PDE10A: variants seen among roughly 807,000 people sequenced by gnomAD.
PDE10A encodes cAMP and cAMP-inhibited cGMP 3',5'-cyclic phosphodiesterase 10A.
Under a neutral mutation model 97.7 loss-of-function variants are expected in PDE10A, and 39 were observed. The observed-to-expected ratio is 0.40, with a 90% confidence interval of 0.31 to 0.52. The LOEUF (loss-of-function observed/expected upper bound fraction) is 0.52. Ranked by LOEUF, PDE10A falls within the 20% of genes least tolerant of loss-of-function variation. PDE10A has a pLI of 0.56. For synonymous variants in PDE10A, 371 were observed against 376.8 expected, an observed-to-expected ratio of 0.98 and a Z score of 0.18; for missense variants, 731 against 1,047.8, an observed-to-expected ratio of 0.70 and a Z score of 4.17.
intron 1 of PDE10A, among the ~76,000 whole-genome samples, chr6:165,823,539 AAAT>A (rs1779641569): frequency 8.5e-6 from 1 of 117,268 alleles, no homozygotes; most frequent in Non-Finnish European, 1.8e-5. Context: ...CCTTAATTAT[AAAT>A]ATTATATAGA....
intron 1 of PDE10A, among the ~76,000 whole-genome samples, chr6:165,922,928 C>T (rs548941555): frequency 6.6e-6 from 1 of 152,264 alleles, no homozygotes; most frequent in East Asian, 1.9e-4. Context: ...AAACAAGGAT[C>T]CCAGCTAATC....
chr6:165,939,207 G>C (rs539114024), intron 1 of PDE10A, among the ~76,000 whole-genome samples: 39 of 152,294 alleles, frequency 2.6e-4, no homozygotes, highest in Non-Finnish European at 4.3e-4. Flanking sequence ...AGGTTAACGA[G>C]TATCCCTTTC....
chr6:165,375,177 C>T (rs1234032497), intron 18 of PDE10A, among the ~76,000 whole-genome samples: 1 of 152,122 alleles, frequency 6.6e-6, no homozygotes, highest in Non-Finnish European at 1.5e-5. Context: ...ATGTCTCTCA[C>T]TTTAAATCAA....
chr6:165,978,786 T>G (rs557659370), intron 1 of PDE10A, among the ~76,000 whole-genome samples: 26 of 152,314 alleles, frequency 1.7e-4, no homozygotes, highest in Non-Finnish European at 2.6e-4. Context: ...TTGTTAAGCA[T>G]TCTTAGAATA....
chr6:165,978,819 C>T (rs1417716814), intron 1 of PDE10A, among the ~76,000 whole-genome samples: 3 of 152,026 alleles, frequency 2.0e-5, no homozygotes, highest in Non-Finnish European at 4.4e-5. Context: ...TGGTCATGTA[C>T]AGGAATATCT....
intron 6 of PDE10A, among the ~76,000 whole-genome samples, chr6:165,434,697 C>T (rs1359995992): frequency 6.6e-6 from 1 of 152,182 alleles, no homozygotes; most frequent in Non-Finnish European, 1.5e-5. Flanking sequence ...CCAGGATAGC[C>T]TTACTGGAAG....
At chr6:165,598,808 C>A (rs112893357) in intron 1 of PDE10A, among the ~76,000 whole-genome samples, 1 of 152,068 alleles carries the variant, frequency 6.6e-6, no homozygotes, top group African/African-American at 2.4e-5. Context: ...AAACTAATAG[C>A]CCAGCACTGG....
intron 1 of PDE10A, among the ~76,000 whole-genome samples, chr6:165,804,610 TTGGAAACCTGGGGCCC>T (rs1779066922): frequency 3.3e-5 from 5 of 152,222 alleles, no homozygotes; most frequent in South Asian, 2.1e-4. Flanking sequence ...GCGCCGGAGT[TTGGAAACCTGGGGCCC>T]TGGAAACCCG....
rs1441525469 is a variant in PDE10A at position 165,366,834 on chromosome 6, A to T, written c.2783+12360T>A. ...AAAGCTTAAAGGAACATACTCATAT[A>T]TTTAGGATGATTGATGAGAAATGCA... On this transcript the variant is annotated intron_variant, in intron 18 of 21. Coordinates refer to ENST00000539869, the MANE Select transcript of PDE10A (RefSeq NM_001385079.1). 2.6e-5 allele frequency among the ~76,000 whole-genome samples: 4 copies of T among 152,348 alleles called. No homozygotes were observed. The South Asian group carries it at 8.3e-4, about 32-fold the overall frequency.
intron 1 of PDE10A, among the ~76,000 whole-genome samples, chr6:165,651,668 GT>G (rs1167892614): frequency 1.3e-5 from 2 of 152,092 alleles, no homozygotes; most frequent in African/African-American, 4.8e-5. Flanking sequence ...TTTACTTCTG[GT>G]TTTTGAGTCC....
At chr6:165,857,691 A>G (rs1053838667) in intron 1 of PDE10A, among the ~76,000 whole-genome samples, 5 of 144,774 alleles carry the variant, frequency 3.5e-5, no homozygotes, top group African/African-American at 1.3e-4. Flanking sequence ...TGTGATTTCA[A>G]CAGTTCCGTG....
chr6:165,951,769 T>G (rs986659069), intron 1 of PDE10A, among the ~76,000 whole-genome samples: 21 of 152,188 alleles, frequency 1.4e-4, no homozygotes, highest in African/African-American at 4.8e-4. Context: ...CAAATCCAGG[T>G]GCGGGCACAT....
At chr6:165,585,790 T>C (rs900115177) in intron 1 of PDE10A, among the ~76,000 whole-genome samples, 2 of 152,160 alleles carry the variant, frequency 1.3e-5, no homozygotes, top group African/African-American at 2.4e-5. Context: ...TGCTTAACAA[T>C]AAAACATAGT....
intron 1 of PDE10A, among the ~76,000 whole-genome samples, chr6:165,611,537 G>A (rs567504320): frequency 1.3e-5 from 2 of 152,346 alleles, no homozygotes; most frequent in South Asian, 2.1e-4. Flanking sequence ...CAGAAGGGGC[G>A]GGGAAAGCTG....
At position 165,401,605 on chromosome 6, in the gene PDE10A, G is replaced by A. The variant is rs1430448346; in HGVS notation, c.2077-5146C>T. Among the ~76,000 whole-genome samples the A allele has an allele frequency of 9.9e-5, 15 of 152,106 alleles. No individual in the cohort carries two copies. The East Asian group carries it at 2.3e-3, about 23-fold the overall frequency. ...ACATTCTGAAATCATCTTCATAACC[G>A]TGATTTTTTTTCTAACTGATAAAAT... is the stretch of plus-strand genomic sequence containing the variant. On this transcript the variant is annotated intron_variant, in intron 13 of 21. Coordinates refer to ENST00000539869, the MANE Select transcript of PDE10A (RefSeq NM_001385079.1).
intron 1 of PDE10A, among the ~76,000 whole-genome samples, chr6:165,739,904 C>A (rs1247241916): frequency 6.6e-6 from 1 of 152,098 alleles, no homozygotes; most frequent in Admixed American, 6.5e-5. Flanking sequence ...AAAGCTAAAC[C>A]ACAATGAGGT....
At chr6:165,364,214 T>C (rs11751648) in intron 18 of PDE10A, among the ~76,000 whole-genome samples, 13,377 of 152,228 alleles carry the variant, frequency 0.088, 652 homozygotes, top group Middle Eastern at 0.2. Context: ...TGTTAGTATT[T>C]GGAGGTGGGA....
At chr6:165,648,229 G>A (rs1327356426) in intron 1 of PDE10A, among the ~76,000 whole-genome samples, 2 of 151,950 alleles carry the variant, frequency 1.3e-5, no homozygotes, top group Non-Finnish European at 2.9e-5. Flanking sequence ...AGCCAGGATG[G>A]TCTCGATCTC....
At chr6:165,420,487 T>A (rs537315474) in intron 10 of PDE10A, among the ~76,000 whole-genome samples, 1 of 152,164 alleles carries the variant, frequency 6.6e-6, no homozygotes, top group South Asian at 2.1e-4. Context: ...TACAGAAGAA[T>A]CACTCATCTA....
Sources: allele counts gnomAD v4.1 joint callset (sites outside exome capture counted in the v4.1 genomes callset), GRCh38; gene constraint gnomAD v4.1.1; transcripts MANE v1.5; gene names NCBI Gene and HGNC (gene_info 2026-07-23, HGNC 2026-07-21).